Variants in TMPRSS15 observed in about 807,000 individuals in gnomAD.
TMPRSS15 encodes transmembrane serine protease 15, also known as enteropeptidase.
Under a neutral mutation model 125.3 loss-of-function variants are expected in TMPRSS15, and 128 were observed. The ratio of observed to expected loss-of-function variants is 1.02; its 90% confidence interval spans 0.89 to 1.18. The LOEUF (loss-of-function observed/expected upper bound fraction) is 1.18, where lower values mean the gene tolerates loss of function less well. Among genes scored for constraint, TMPRSS15 ranks in the 50% most tolerant of loss-of-function variants. The pLI, the probability that TMPRSS15 is intolerant of heterozygous loss-of-function variation, is 0.00. For missense variants in TMPRSS15, 1,283 were observed against 1,212.7 expected, an observed-to-expected ratio of 1.06 and a Z score of -0.86; for synonymous variants, 446 against 423.2, an observed-to-expected ratio of 1.05 and a Z score of -0.66.
At chr21:18,480,227 A>T (rs760012948) in intron 1 of TMPRSS15, among the ~76,000 whole-genome samples, 15 of 151,934 alleles carry the variant, frequency 9.9e-5, no homozygotes, top group Non-Finnish European at 1.9e-4. Context: ...ATGGCCAGTC[A>T]TCACAGTTTG....
chr21:18,290,216 T>C (rs777420104), intron 21 of TMPRSS15, among the ~76,000 whole-genome samples: 49 of 152,200 alleles, frequency 3.2e-4, no homozygotes, highest in Non-Finnish European at 4.6e-4. Flanking sequence ...GGAGTCATTG[T>C]TTTGAGTATA....
In TMPRSS15 at chr21:18,439,025, TA is replaced by T. The variant is rs554355887; in HGVS notation, c.11-40697del. On this transcript the variant is annotated intron_variant, in intron 1 of 7. Coordinates refer to the TMPRSS15 transcript ENST00000422787. ...TCTTATAAATCTTCTTTCTTATAGT[TA>T]AAAATGTTGAAAACAATCAACTCTA... is the stretch of plus-strand genomic sequence containing the variant. 3.6e-3 allele frequency among the ~76,000 whole-genome samples: 553 copies of T among 152,286 alleles called. 2 individuals carry two copies. Among genetic ancestry groups the T allele is most frequent in the African/African-American group, 0.013 (531 of 41,578 alleles).
At chr21:18,324,758 CAA>C (rs2075272738) in intron 16 of TMPRSS15, among the ~76,000 whole-genome samples, 1 of 151,998 alleles carries the variant, frequency 6.6e-6, no homozygotes, top group Admixed American at 6.6e-5. Context: ...ATTACATAAC[CAA>C]AGTCTGCTGT....
In TMPRSS15 at chr21:18,315,618, A is replaced by G. The variant is rs71319680; in HGVS notation, c.1922-362T>C. Reference sequence around the variant, plus strand: ...ACCAACATGGCACATGTATACACATATAACAAACCTGCACGTTGTGCACAT... The same window carrying G: ...ACCAACATGGCACATGTATACACATGTAACAAACCTGCACGTTGTGCACAT... On this transcript the variant is annotated intron_variant, in intron 16 of 24. Transcript: ENST00000284885. Among the ~76,000 whole-genome samples the G allele has an allele frequency of 6.4e-3, 62 of 9,728 alleles. 1 individual carries two copies. Among genetic ancestry groups the G allele is most frequent in the Admixed American group, 0.012 (8 of 674 alleles). The allele number at this position is 9,728 out of a possible 152,430, so 6.4% of individuals were successfully genotyped here.
intron 4 of TMPRSS15, chr21:18,380,638 C>A (rs915175948): frequency 1.1e-5 from 5 of 466,714 alleles, no homozygotes; most frequent in African/African-American, 8.0e-5. Context: ...AAATACATTA[C>A]AAAACATTGA....
At chr21:18,323,650 T>A (rs528546950) in intron 16 of TMPRSS15, among the ~76,000 whole-genome samples, 115 of 152,240 alleles carry the variant, frequency 7.6e-4, no homozygotes, top group African/African-American at 2.4e-3. Context: ...AGTATTTTTT[T>A]AAAAAATCTC....
chr21:18,317,691 A>C (rs1204958262), intron 16 of TMPRSS15, among the ~76,000 whole-genome samples: 1 of 152,028 alleles, frequency 6.6e-6, no homozygotes, highest in Non-Finnish European at 1.5e-5. Context: ...GATACACATC[A>C]ATGTGTGTGT....
intron 23 of TMPRSS15, among the ~76,000 whole-genome samples, chr21:18,277,437 G>T (rs1450166598): frequency 6.6e-6 from 1 of 152,168 alleles, no homozygotes; most frequent in East Asian, 1.9e-4. Flanking sequence ...AGTCTGAAAA[G>T]AGAAAATATC....
Position 18,359,543 on chromosome 21 carries a change from G to A in TMPRSS15, c.880+214C>T, listed in dbSNP as rs567293965. ...CACATAATTTTTAAGATATTAATTA[G>A]GAGAGGACAATGTTAAAACGTAACT... On this transcript the variant is annotated intron_variant, in intron 8 of 24. Coordinates refer to ENST00000284885, the MANE Select transcript of TMPRSS15 (RefSeq NM_002772.3). Among the ~76,000 whole-genome samples the A allele has an allele frequency of 2.7e-5, 4 of 146,466 alleles. No homozygotes were observed. In the South Asian group the frequency reaches 8.7e-4, roughly 32 times the overall value.
At chr21:18,357,515 TA>T (rs1235532813) in intron 8 of TMPRSS15, among the ~76,000 whole-genome samples, 4 of 151,850 alleles carry the variant, frequency 2.6e-5, no homozygotes, top group Non-Finnish European at 4.4e-5. Context: ...TTACCCTAAG[TA>T]AAAAATTTAT....
intron 1 of TMPRSS15, among the ~76,000 whole-genome samples, chr21:18,416,171 G>A (rs1248314209): frequency 6.6e-6 from 1 of 151,860 alleles, no homozygotes; most frequent in Non-Finnish European, 1.5e-5. Context: ...AAAAAACATG[G>A]CTTTCTATGG....
chr21:18,407,446 TTC>T, upstream of TMPRSS15, among the ~76,000 whole-genome samples: 1 of 119,030 alleles, frequency 8.4e-6, no homozygotes, highest in South Asian at 3.1e-4. Flanking sequence ...TTTTTTTCTT[TTC>T]TTTTTTTTTT....
In TMPRSS15 at chr21:18,403,603, A is replaced by G; in HGVS notation, c.20T>C (p.Ile7Thr). 6.2e-7 allele frequency: 1 copy of G among 1,614,150 alleles called. No homozygotes were observed. The highest frequency in any genetic ancestry group is 2.2e-5 in the East Asian group (1 of 44,872). Residue 7 changes from isoleucine (I) to threonine (T), a missense_variant, in exon 1 of 25, where the codon ATA becomes ACA. Ile to Thr is a moderately conservative substitution (Grantham distance 89). Coordinates refer to ENST00000284885, the MANE Select transcript of TMPRSS15 (RefSeq NM_002772.3). ...GCTGAGAGAATGATGCCTAGAAGATATGCCTCTTTTCGACCCCATTTTTGG... is the reference window on the plus strand; with the variant it reads ...GCTGAGAGAATGATGCCTAGAAGATGTGCCTCTTTTCGACCCCATTTTTGG... MGSKRG[I>T]SSRHHSLSSY...
In TMPRSS15 at chr21:18,373,521, T is replaced by C. The variant is rs370485787; in HGVS notation, c.533-1197A>G. 4.5e-4 allele frequency among the ~76,000 whole-genome samples: 69 copies of C among 152,310 alleles called. 3 individuals carry two copies. The Middle Eastern group carries it at 0.01, about 23-fold the overall frequency. On this transcript the variant is annotated intron_variant, in intron 5 of 24. Coordinates refer to ENST00000284885, the MANE Select transcript of TMPRSS15 (RefSeq NM_002772.3). Reference sequence around the variant, plus strand: ...ATATTTAAGAGCTATTCATCAAAAGTCCTTAACCATTGAGTTATTAATCCA... The same window carrying C: ...ATATTTAAGAGCTATTCATCAAAAGCCCTTAACCATTGAGTTATTAATCCA...
intron 23 of TMPRSS15, among the ~76,000 whole-genome samples, chr21:18,277,605 G>A (rs1224723849): frequency 6.6e-6 from 1 of 152,198 alleles, no homozygotes; most frequent in East Asian, 1.9e-4. Flanking sequence ...TTGCTGTGAA[G>A]AACTTTTGTA....
At chr21:18,462,883 A>G (rs1188584841) in intron 1 of TMPRSS15, among the ~76,000 whole-genome samples, 1 of 152,116 alleles carries the variant, frequency 6.6e-6, no homozygotes, top group Non-Finnish European at 1.5e-5. Flanking sequence ...TATAAGCCAG[A>G]GAGAGTGAGG....
chr21:18,376,710 G>A (rs968683502), intron 5 of TMPRSS15, among the ~76,000 whole-genome samples: 1 of 152,034 alleles, frequency 6.6e-6, no homozygotes, highest in African/African-American at 2.4e-5. Flanking sequence ...CCCCCTCTAG[G>A]CACGCTGTAG....
At chr21:18,380,177 A>G in intron 4 of TMPRSS15, among the ~76,000 whole-genome samples, 1 of 150,044 alleles carries the variant, frequency 6.7e-6, no homozygotes, top group South Asian at 2.1e-4. Context: ...TCACACACAC[A>G]CACACACACA....
chr21:18,390,640 C>T (rs1000112173), intron 3 of TMPRSS15, among the ~76,000 whole-genome samples: 2 of 152,034 alleles, frequency 1.3e-5, no homozygotes, highest in African/African-American at 4.8e-5. Context: ...GCTAAATGCA[C>T]AGGGGGAAGA....
Sources: allele counts gnomAD v4.1 joint callset (sites outside exome capture counted in the v4.1 genomes callset), GRCh38; gene constraint gnomAD v4.1.1; transcripts MANE v1.5; gene names NCBI Gene and HGNC (gene_info 2026-07-23, HGNC 2026-07-21).